The following SMG6 variants were observed in gnomAD, a reference collection of about 807,000 sequenced individuals.
SMG6 encodes telomerase-binding protein EST1A.
Under a neutral mutation model 142.2 loss-of-function variants are expected in SMG6, and 66 were observed. The ratio of observed to expected loss-of-function variants is 0.46; its 90% CI spans 0.38 to 0.57. The LOEUF (loss-of-function observed/expected upper bound fraction) is 0.57. SMG6 is among the 20% of genes least tolerant of loss of function. SMG6 has a pLI of 0.00. For missense variants in SMG6, 1,793 were observed against 1,832.0 expected (o/e 0.98, Z 0.39); for synonymous variants, 779 against 702.4 (o/e 1.11, Z -1.72).
intron 2 of SMG6, among the ~76,000 whole-genome samples, chr17:2,298,623 C>A (rs1292754253): frequency 6.6e-6 from 1 of 150,556 alleles, no homozygotes; most frequent in Non-Finnish European, 1.5e-5. Context: ...GAGGCTGAGG[C>A]AGGAGAATGG....
chr17:2,081,734 G>A (rs1349111077), intron 15 of SMG6, 76 bp downstream of exon 15: 7 of 1,546,260 alleles, frequency 4.5e-6, no homozygotes, highest in Middle Eastern at 1.8e-4. Context: ...GCTCAGCTCT[G>A]CTCTCTGCCC....
chr17:2,098,299 T>C (rs907817367), intron 13 of SMG6, among the ~76,000 whole-genome samples: 7 of 152,190 alleles, frequency 4.6e-5, no homozygotes, highest in African/African-American at 1.7e-4. Flanking sequence ...TGTGAGCTTC[T>C]AATCAACAAA....
rs867502475 is a variant in SMG6, at chr17:2,161,123, T to C, written c.3357+11535A>G. ...ACTGACCCTTTTTTTTTTTTTTTTT[T>C]AGAGATGGAGTTTTGCTCTGGTTGC... On this transcript the variant is annotated intron_variant, in intron 13 of 18. Coordinates refer to ENST00000263073, the MANE Select transcript of SMG6 (RefSeq NM_017575.5). Among the ~76,000 whole-genome samples the C allele has an allele frequency of 3.1e-3, 435 of 139,240 alleles. 2 individuals carry two copies. Among genetic ancestry groups the C allele is most frequent in the Middle Eastern group, 0.012 (3 of 246 alleles). The allele number at this position is 139,240 out of a possible 152,430, so 91.3% of individuals were successfully genotyped here. A position where few individuals can be genotyped will look rare whatever the true frequency, so the allele number is the denominator to read the frequency against.
chr17:2,228,484 C>T (rs1424898512), intron 10 of SMG6, among the ~76,000 whole-genome samples: 2 of 152,134 alleles, frequency 1.3e-5, no homozygotes, highest in Non-Finnish European at 1.5e-5. Flanking sequence ...GCCTCAGCCT[C>T]CCAAAGTGCT....
At chr17:2,194,415 G>A (rs770533021) in intron 10 of SMG6, among the ~76,000 whole-genome samples, 21 of 152,180 alleles carry the variant, frequency 1.4e-4, no homozygotes, top group Admixed American at 2.6e-4. Context: ...AAGAGAGCAT[G>A]AACTTGTTTG....
intron 13 of SMG6, among the ~76,000 whole-genome samples, chr17:2,155,016 G>A (rs572602770): frequency 2.0e-5 from 3 of 150,788 alleles, no homozygotes; most frequent in Admixed American, 2.0e-4. Context: ...AAAACAAGAT[G>A]TTGTCTCAAA....
intron 13 of SMG6, among the ~76,000 whole-genome samples, chr17:2,128,172 G>A (rs543200921): frequency 1.3e-5 from 2 of 152,330 alleles, no homozygotes; most frequent in African/African-American, 4.8e-5. Flanking sequence ...GCACATCCAC[G>A]CGCCGCTTTG....
intron 4 of SMG6, among the ~76,000 whole-genome samples, chr17:2,296,517 C>G (rs1176166534): frequency 6.6e-6 from 1 of 152,204 alleles, no homozygotes; most frequent in Non-Finnish European, 1.5e-5. Flanking sequence ...AGGCAAGCAT[C>G]ACCACCTGAA....
chr17:2,174,156 TG>T (rs1231068715), intron 12 of SMG6, among the ~76,000 whole-genome samples: 1 of 152,098 alleles, frequency 6.6e-6, no homozygotes, highest in African/African-American at 2.4e-5. Context: ...CCCAGTACTT[TG>T]GGAACATGAG....
chr17:2,074,647 G>T (rs530523897), intron 15 of SMG6, among the ~76,000 whole-genome samples: 1 of 152,350 alleles, frequency 6.6e-6, no homozygotes, highest in African/African-American at 2.4e-5. Flanking sequence ...ACTGTCAAGT[G>T]CTCAAGGAGA....
rs1055888859 is a variant in SMG6 at position 2,140,062 on chromosome 17, T to G, written c.3357+32596A>C. Among the ~76,000 whole-genome samples the G allele has an allele frequency of 4.0e-5, 6 of 149,356 alleles. 1 individual carries two copies. Among genetic ancestry groups the G allele is most frequent in the African/African-American group, 1.5e-4 (6 of 40,356 alleles). On this transcript the variant is annotated intron_variant, in intron 13 of 18. Transcript: ENST00000263073. ...TGTTAACTAATTTTTTTTAAACTGT[T>G]AAGGGGCACTTTATTTTTGAGACAG...
At chr17:2,091,772 G>T (rs1471313894) in intron 13 of SMG6, among the ~76,000 whole-genome samples, 1 of 150,996 alleles carries the variant, frequency 6.6e-6, no homozygotes, top group African/African-American at 2.4e-5. Context: ...CCGCGTTCAC[G>T]CCATTCTCCT....
intron 10 of SMG6, among the ~76,000 whole-genome samples, chr17:2,217,803 G>T (rs1199996752): frequency 6.6e-6 from 1 of 152,054 alleles, no homozygotes; most frequent in Non-Finnish European, 1.5e-5. Context: ...AAGGTCAGGA[G>T]ATCGAGACGA....
chr17:2,213,659 C>T (rs777569323), intron 10 of SMG6: 1 of 152,188 alleles, frequency 6.6e-6, no homozygotes, highest in African/African-American at 2.4e-5. Flanking sequence ...GAGCAGAGTT[C>T]TTGGAAAACA....
chr17:2,131,057 C>A (rs2070105482), intron 13 of SMG6, among the ~76,000 whole-genome samples: 1 of 152,110 alleles, frequency 6.6e-6, no homozygotes, highest in Admixed American at 6.6e-5. Flanking sequence ...AACCCTTTTA[C>A]CCCACCAAAT....
intron 17 of SMG6, 29 bp downstream of exon 17, chr17:2,065,439 G>A (rs750603242): frequency 8.1e-6 from 13 of 1,599,096 alleles, no homozygotes; most frequent in Non-Finnish European, 1.1e-5. Context: ...GCTGGCTGTG[G>A]GCTTTCCCTT....
At chr17:2,237,076 C>CA (rs769431174) in intron 9 of SMG6, 52 of 143,682 alleles carry the variant, frequency 3.6e-4, no homozygotes, top group East Asian at 1.6e-3. Flanking sequence ...TGAATCTAAA[C>CA]AAAAAAAAAA....
intron 13 of SMG6, among the ~76,000 whole-genome samples, chr17:2,124,738 T>C (rs749963463): frequency 9.9e-5 from 15 of 152,196 alleles, no homozygotes; most frequent in Non-Finnish European, 1.9e-4. Context: ...TTCCGCATCC[T>C]ACCATTACTT....
chr17:2,286,614 A>G (rs2074910459), intron 6 of SMG6, among the ~76,000 whole-genome samples: 1 of 152,136 alleles, frequency 6.6e-6, no homozygotes, highest in African/African-American at 2.4e-5. Flanking sequence ...AAAATTAATC[A>G]AAGGCCTAAA....
Sources: allele counts gnomAD v4.1 joint callset (sites outside exome capture counted in the v4.1 genomes callset), GRCh38; gene constraint gnomAD v4.1.1; transcripts MANE v1.5; gene names NCBI Gene and HGNC (gene_info 2026-07-23, HGNC 2026-07-21).